The following FAM151B variants were observed in gnomAD, a reference collection of about 807,000 sequenced individuals.
FAM151B encodes protein FAM151B.
FAM151B carries 24 observed loss-of-function variants against 31.2 expected under a neutral mutation model. The ratio of observed to expected loss-of-function variants is 0.77; its 90% confidence interval spans 0.56 to 1.08. FAM151B has a LOEUF of 1.08. Ranked by LOEUF, FAM151B falls within the 50% of genes least tolerant of loss-of-function variation. FAM151B has a pLI of 0.00. For synonymous variants in FAM151B, 105 were observed against 111.4 expected, an observed-to-expected ratio of 0.94 and a Z score of 0.36; for missense variants, 293 against 328.6, an observed-to-expected ratio of 0.89 and a Z score of 0.84.
chr5:80,518,075 GA>G (rs796173147), intron 3 of FAM151B, among the ~76,000 whole-genome samples: 9,879 of 73,028 alleles, frequency 0.14, 535 homozygotes, highest in East Asian at 0.41. Flanking sequence ...CCATCTCAAA[GA>G]AAAAAAAAAA....
intron 2 of FAM151B, among the ~76,000 whole-genome samples, chr5:80,503,457 T>TG (rs1743825377): frequency 6.6e-6 from 1 of 152,052 alleles, no homozygotes; most frequent in Non-Finnish European, 1.5e-5. Context: ...TAGTCACAGC[T>TG]ACTCAGGAAG....
At chr5:80,497,898 A>T (rs1743602916) in intron 1 of FAM151B, among the ~76,000 whole-genome samples, 1 of 152,136 alleles carries the variant, frequency 6.6e-6, no homozygotes, top group African/African-American at 2.4e-5. Context: ...CATATGTAAC[A>T]AACCTGCACG....
chr5:80,490,263 C>T (rs1743274013), intron 1 of FAM151B, among the ~76,000 whole-genome samples: 1 of 152,066 alleles, frequency 6.6e-6, no homozygotes, highest in Non-Finnish European at 1.5e-5. Context: ...GGTGGTGGCA[C>T]ATACCTGTGG....
chr5:80,518,159 T>C (rs1011669201), intron 3 of FAM151B, among the ~76,000 whole-genome samples: 2 of 151,922 alleles, frequency 1.3e-5, no homozygotes, highest in Admixed American at 6.6e-5. Context: ...ACTTACTAAA[T>C]TGAGAAAGCC....
In FAM151B at chr5:80,541,834, A is replaced by G. The variant is rs1745915893; in HGVS notation, c.*2A>G. ...ATTGGAATCAAAGTTAATCTCTAAGAAGAAGATTCTCAATTATTTCCTGTG... is the reference window on the plus strand; with the variant it reads ...ATTGGAATCAAAGTTAATCTCTAAGGAGAAGATTCTCAATTATTTCCTGTG... On this transcript the variant is annotated 3_prime_UTR_variant, in exon 6 of 6. Transcript: ENST00000282226. The G allele has an allele frequency of 6.2e-7, 1 of 1,609,526 alleles. No individual in the cohort carries two copies. Among genetic ancestry groups the G allele is most frequent in the Non-Finnish European group, 8.5e-7 (1 of 1,178,408 alleles).
intron 3 of FAM151B, 69 bp downstream of exon 3, chr5:80,513,838 TAA>T: frequency 7.1e-7 from 1 of 1,408,274 alleles, no homozygotes; most frequent in East Asian, 2.4e-5. Flanking sequence ...CTATTTTTTT[TAA>T]TGTTATCCAA....
chr5:80,501,451 C>T (rs2112606234), intron 1 of FAM151B: 1 of 263,848 alleles, frequency 3.8e-6, no homozygotes, highest in East Asian at 6.6e-5. Flanking sequence ...GTAAACAGTA[C>T]CTGCTCTCAA....
At chr5:80,488,260 G>A in intron 1 of FAM151B, 112 bp downstream of exon 1, 1 of 1,334,788 alleles carries the variant, frequency 7.5e-7, no homozygotes, top group South Asian at 1.5e-5. Context: ...GGACCTGGGA[G>A]CGCGCCGCGC....
intron 5 of FAM151B, among the ~76,000 whole-genome samples, chr5:80,529,081 A>T (rs534525219): frequency 1.3e-5 from 2 of 152,306 alleles, no homozygotes; most frequent in East Asian, 3.9e-4. Context: ...GGATTAAGAA[A>T]CTCACTCAAA....
chr5:80,501,821 T>A lies in FAM151B; in HGVS notation c.55T>A (p.Phe19Ile). ...TTGGAGTGAAAATATACTGGAATAT[T>A]TTCTGAGAAATAGCCAGATTACAGC... ...GSWSENILEYFLRNSQITAED... is the reference protein window; with the variant it reads ...GSWSENILEYILRNSQITAED... Residue 19 changes from phenylalanine to isoleucine, a missense_variant, in exon 2 of 6, where the codon TTT (phenylalanine) becomes ATT (isoleucine). Transcript: ENST00000282226. The A allele has an allele frequency of 1.2e-6, 2 of 1,603,720 alleles. No individual in the cohort carries two copies. The highest frequency in any genetic ancestry group is 1.7e-6 in the Non-Finnish European group (2 of 1,173,384).
intron 1 of FAM151B, chr5:80,498,579 CAAT>C (rs2112602227): frequency 9.2e-7 from 1 of 1,081,330 alleles, no homozygotes; most frequent in African/African-American, 1.5e-5. Context: ...ACATTTGCCA[CAAT>C]AATGTCTGTC....
chr5:80,515,662 G>C (rs1182372827), intron 3 of FAM151B, among the ~76,000 whole-genome samples: 1 of 152,184 alleles, frequency 6.6e-6, no homozygotes, highest in East Asian at 1.9e-4. Context: ...TTTTTTTAAA[G>C]TCATAACATA....
chr5:80,524,411 G>T (rs777156799), intron 5 of FAM151B, among the ~76,000 whole-genome samples: 1 of 152,120 alleles, frequency 6.6e-6, no homozygotes, highest in East Asian at 1.9e-4. Context: ...TCCTCCTACT[G>T]TCCATTAGAT....
intron 1 of FAM151B, chr5:80,498,444 A>G: frequency 2.2e-6 from 1 of 445,800 alleles, no homozygotes; most frequent in Non-Finnish European, 4.1e-6. Flanking sequence ...AGTTTCCGAT[A>G]GCCATTTTTA....
rs1277096376 is a variant in FAM151B, at chr5:80,533,192, A to G, written c.672-8481A>G. On this transcript the variant is annotated intron_variant, in intron 5 of 5. Coordinates refer to ENST00000282226, the MANE Select transcript of FAM151B (RefSeq NM_205548.3). ...GGAGATCAAGATCATCCTGGCTAAC[A>G]TAGTGAAACCCCGTCTCTACTAAAA... Among the ~76,000 whole-genome samples the G allele has an allele frequency of 5.9e-5, 9 of 151,912 alleles. No homozygotes were observed. In the South Asian group the frequency reaches 1.7e-3, roughly 28 times the overall value.
chr5:80,528,401 C>G (rs1179734503), intron 5 of FAM151B, among the ~76,000 whole-genome samples: 1 of 151,538 alleles, frequency 6.6e-6, no homozygotes, highest in African/African-American at 2.4e-5. Flanking sequence ...CCTAAACTCT[C>G]TAATAAAAGT....
intron 5 of FAM151B, among the ~76,000 whole-genome samples, chr5:80,522,841 G>A (rs907635175): frequency 2.6e-5 from 4 of 151,986 alleles, no homozygotes; most frequent in African/African-American, 9.7e-5. Context: ...ACCACCTATT[G>A]AATATTTAAA....
intron 1 of FAM151B, among the ~76,000 whole-genome samples, chr5:80,497,208 T>C (rs890571920): frequency 1.3e-5 from 2 of 152,020 alleles, no homozygotes; most frequent in Non-Finnish European, 2.9e-5. Flanking sequence ...AGCAGATTGC[T>C]TGAGGCCAGG....
intron 5 of FAM151B, among the ~76,000 whole-genome samples, chr5:80,523,920 C>A (rs961622011): frequency 4.6e-5 from 7 of 152,084 alleles, no homozygotes; most frequent in African/African-American, 1.7e-4. Flanking sequence ...GTTAAAGTAT[C>A]CCGTGATGCT....
Sources: allele counts gnomAD v4.1 joint callset (sites outside exome capture counted in the v4.1 genomes callset), GRCh38; gene constraint gnomAD v4.1.1; transcripts MANE v1.5; gene names NCBI Gene and HGNC (gene_info 2026-07-23, HGNC 2026-07-21).